CCDC30: variants seen among roughly 807,000 people sequenced by gnomAD.
CCDC30 encodes coiled-coil domain-containing protein 30.
Under a neutral mutation model 100.2 loss-of-function variants are expected in CCDC30, and 70 were observed. The observed-to-expected ratio is 0.70, with a 90% CI of 0.58 to 0.85. The LOEUF is 0.85. CCDC30 is among the 40% of genes least tolerant of loss of function. The pLI, the probability that CCDC30 is intolerant of heterozygous loss-of-function variation, is 0.00. For missense variants in CCDC30, 652 were observed against 771.2 expected (o/e 0.85, Z 1.83); for synonymous variants, 233 against 269.5 (o/e 0.86, Z 1.33).
intron 10 of CCDC30, among the ~76,000 whole-genome samples, chr1:42,602,138 A>T (rs1387049356): frequency 5.3e-5 from 8 of 152,174 alleles, no homozygotes; most frequent in Non-Finnish European, 1.0e-4. Context: ...GGAGGAAAAA[A>T]ATATCTAAAA....
At chr1:42,507,206 C>G (rs1199346826) in intron 6 of CCDC30, among the ~76,000 whole-genome samples, 1 of 152,214 alleles carries the variant, frequency 6.6e-6, no homozygotes, top group Non-Finnish European at 1.5e-5. Flanking sequence ...GGATTACAGA[C>G]ATGAGCCACC....
chr1:42,555,061 T>C (rs1645340766), intron 6 of CCDC30, among the ~76,000 whole-genome samples: 1 of 152,150 alleles, frequency 6.6e-6, no homozygotes, highest in South Asian at 2.1e-4. Context: ...CCACATCCAA[T>C]AAATGACAAA....
At chr1:42,604,523 T>A (rs1646467093) in intron 10 of CCDC30, among the ~76,000 whole-genome samples, 1 of 152,198 alleles carries the variant, frequency 6.6e-6, no homozygotes, top group Admixed American at 6.5e-5. Context: ...ATTGAATCAC[T>A]GCGGACGTGT....
At chr1:42,594,046 T>G (rs1646238504) in intron 10 of CCDC30, 1 of 152,124 alleles carries the variant, frequency 6.6e-6, no homozygotes, top group African/African-American at 2.4e-5. Context: ...ACAAGAAGAA[T>G]ATCATGCTTC....
intron 3 of CCDC30, among the ~76,000 whole-genome samples, chr1:42,488,481 G>C (rs759267229): frequency 1.3e-5 from 2 of 152,000 alleles, no homozygotes; most frequent in African/African-American, 2.4e-5. Flanking sequence ...AGTTGGCTAA[G>C]TTTTAAATCT....
At chr1:42,520,978 C>CCT (rs1553188455) in intron 6 of CCDC30, among the ~76,000 whole-genome samples, 1 of 133,284 alleles carries the variant, frequency 7.5e-6, no homozygotes, top group African/African-American at 2.8e-5. Context: ...TTTCTTTTTT[C>CCT]TTTTTTTTTT....
intron 6 of CCDC30, among the ~76,000 whole-genome samples, chr1:42,538,147 C>A (rs1211373979): frequency 4.9e-4 from 24 of 49,410 alleles, no homozygotes; most frequent in African/African-American, 1.8e-3. Flanking sequence ...ACACTGTCTC[C>A]ACAAAAAAAA....
At chr1:42,549,046 CAGG>C (rs1645198276) in intron 6 of CCDC30, among the ~76,000 whole-genome samples, 2 of 152,148 alleles carry the variant, frequency 1.3e-5, no homozygotes, top group Admixed American at 1.3e-4. Context: ...GAAGGACCTT[CAGG>C]AGATCTTCCA....
At chr1:42,653,762 G>T (rs1648546508) in intron 16 of CCDC30, 56 bp from the exon 21 acceptor site, 5 of 1,367,676 alleles carry the variant, frequency 3.7e-6, no homozygotes, top group Non-Finnish European at 5.2e-6. Context: ...CTGTAACCCC[G>T]AACTGCTACC....
intron 1 of CCDC30, among the ~76,000 whole-genome samples, chr1:42,477,220 CA>C (rs1643893726): frequency 1.3e-5 from 2 of 151,810 alleles, no homozygotes; most frequent in Non-Finnish European, 2.9e-5. Context: ...CTACTGCCAA[CA>C]TGTGTTTTTC....
At chr1:42,615,477 T>C (rs931320889) in intron 11 of CCDC30, among the ~76,000 whole-genome samples, 5 of 152,090 alleles carry the variant, frequency 3.3e-5, no homozygotes, top group African/African-American at 1.2e-4. Flanking sequence ...TTTTATATTT[T>C]TAATAGAGAT....
chr1:42,467,904 G>C (rs1024074053), intron 1 of CCDC30: 1 of 152,194 alleles, frequency 6.6e-6, no homozygotes, highest in South Asian at 2.1e-4. Context: ...CATTCGCTAA[G>C]GACTTGAATA....
chr1:42,524,310 CTT>C (rs1291085981), intron 6 of CCDC30, among the ~76,000 whole-genome samples: 2 of 152,076 alleles, frequency 1.3e-5, no homozygotes, highest in Non-Finnish European at 2.9e-5. Context: ...CTTCTGGAGT[CTT>C]TTCTGAGTGT....
At chr1:42,652,906 G>A (rs562126067) in intron 15 of CCDC30, among the ~76,000 whole-genome samples, 10 of 152,264 alleles carry the variant, frequency 6.6e-5, no homozygotes, top group African/African-American at 2.4e-4. Flanking sequence ...GACTGCTCCT[G>A]GGTATGGGCT....
intron 3 of CCDC30, chr1:42,483,069 T>C: frequency 3.4e-6 from 1 of 290,998 alleles, no homozygotes; most frequent in Middle Eastern, 9.6e-4. Context: ...AGAAGTCCCC[T>C]GTGTTCCTTC....
At chr1:42,538,388 G>A (rs1052123221) in intron 6 of CCDC30, among the ~76,000 whole-genome samples, 2 of 151,832 alleles carry the variant, frequency 1.3e-5, no homozygotes, top group African/African-American at 4.8e-5. Flanking sequence ...GAAAACCCTG[G>A]TTAATTAAGT....
At chr1:42,492,170 T>G in intron 4 of CCDC30, 2 of 248,832 alleles carry the variant, frequency 8.0e-6, no homozygotes, top group Non-Finnish European at 1.6e-5. Flanking sequence ...AAACACAATC[T>G]GATACAGAAG....
intron 6 of CCDC30, among the ~76,000 whole-genome samples, chr1:42,518,640 T>G (rs1221676235): frequency 6.6e-6 from 1 of 152,204 alleles, no homozygotes; most frequent in East Asian, 1.9e-4. Context: ...CCATCTAGGT[T>G]TGTGTAAGTA....
rs1315410260 is a variant in CCDC30 at position 42,590,735 on chromosome 1, C to CA, written c.1164+1263dup. The CA allele has an allele frequency of 1.7e-3, 238 of 138,090 alleles. 1 individual carries two copies. The highest frequency in any genetic ancestry group is 4.2e-3 in the African/African-American group (157 of 37,678). 8.6% of individuals were successfully genotyped at this position (138,090 alleles called of 1,614,324 possible). On this transcript the variant is annotated intron_variant, in intron 10 of 16. Coordinates refer to ENST00000668663, the Ensembl canonical transcript of CCDC30. ...TAGGTGACACAGCGAGACTCTGTCT[C>CA]AAAAAAAAAAAGAGGATGAAAGTTT... is the stretch of plus-strand genomic sequence containing the variant.
Sources: allele counts gnomAD v4.1 joint callset (sites outside exome capture counted in the v4.1 genomes callset), GRCh38; gene constraint gnomAD v4.1.1; transcripts MANE v1.5; gene names NCBI Gene and HGNC (gene_info 2026-07-23, HGNC 2026-07-21).